PCCA: variants seen among roughly 807,000 people sequenced by gnomAD.
The protein encoded by PCCA is propionyl-CoA carboxylase alpha chain, mitochondrial.
Under a neutral mutation model 101.3 loss-of-function variants are expected in PCCA, and 74 were observed. That is an observed-to-expected ratio of 0.73 (90% CI 0.61 to 0.89). The LOEUF (loss-of-function observed/expected upper bound fraction) is 0.89, where lower values mean the gene tolerates loss of function less well. PCCA is among the 40% of genes least tolerant of loss of function. The probability of loss-of-function intolerance (pLI) is 0.00; values close to 1 mark genes in which losing one functional copy is unlikely to be tolerated. For missense variants in PCCA, 891 were observed against 907.0 expected (o/e 0.98, Z 0.23); for synonymous variants, 294 against 313.6 (o/e 0.94, Z 0.66).
intron 6 of PCCA, among the ~76,000 whole-genome samples, chr13:100,188,642 C>T (rs561397375): frequency 1.7e-3 from 266 of 152,316 alleles, no homozygotes; most frequent in Non-Finnish European, 3.2e-3. Flanking sequence ...ACACTGTTTT[C>T]CATAGTGGTT....
chr13:100,338,981 GT>G (rs2070912781), intron 17 of PCCA, among the ~76,000 whole-genome samples: 2 of 151,794 alleles, frequency 1.3e-5, no homozygotes, highest in African/African-American at 4.8e-5. Flanking sequence ...TAGGCAACTA[GT>G]TTTTTTCTTT....
intron 19 of PCCA, among the ~76,000 whole-genome samples, chr13:100,397,786 T>A (rs1309260071): frequency 6.6e-6 from 1 of 152,168 alleles, no homozygotes; most frequent in African/African-American, 2.4e-5. Flanking sequence ...ATAAAAACTG[T>A]GTTTGGCTGT....
chr13:100,375,082 G>A (rs1406911122), intron 19 of PCCA, among the ~76,000 whole-genome samples: 2 of 152,034 alleles, frequency 1.3e-5, no homozygotes, highest in East Asian at 3.9e-4. Context: ...GTTCTCATTG[G>A]TTTCAAAGAA....
In PCCA at chr13:100,145,949, T is replaced by G. The variant is rs1402841113; in HGVS notation, c.301-9030T>G. On this transcript the variant is annotated intron_variant, in intron 4 of 23. Coordinates refer to ENST00000376285, the MANE Select transcript of PCCA (RefSeq NM_000282.4). The stretch of plus-strand genomic sequence containing the variant: ...AAACAAAAGATAGTTTTGCTTTTTT[T>G]TTTTTGAGACAGAGTCTCACTCTAT... Among the ~76,000 whole-genome samples, 3 of 151,172 alleles carry G rather than the reference T, an allele frequency of 2.0e-5. No individual in the cohort carries two copies. The East Asian group carries it at 6.0e-4, about 30-fold the overall frequency.
intron 19 of PCCA, among the ~76,000 whole-genome samples, chr13:100,382,879 G>A (rs886664838): frequency 2.6e-5 from 4 of 152,064 alleles, no homozygotes; most frequent in Non-Finnish European, 4.4e-5. Flanking sequence ...ATTAATAGAG[G>A]TGTCATCAAC....
At chr13:100,197,608 T>A (rs2058197485) in intron 6 of PCCA, among the ~76,000 whole-genome samples, 1 of 152,134 alleles carries the variant, frequency 6.6e-6, no homozygotes, top group Admixed American at 6.5e-5. Flanking sequence ...CATGCCCAGC[T>A]AATTTTTGTA....
chr13:100,309,782 C>G, intron 15 of PCCA, 51 bp from the exon 16 acceptor site: 4 of 1,132,092 alleles, frequency 3.5e-6, no homozygotes, highest in Non-Finnish European at 5.2e-6. Flanking sequence ...AATCATTTAA[C>G]ATAGTTCTAA....
chr13:100,413,040 G>T (rs991397458), intron 19 of PCCA, among the ~76,000 whole-genome samples: 3 of 152,166 alleles, frequency 2.0e-5, no homozygotes, highest in East Asian at 1.9e-4. Flanking sequence ...GTCACTGGTG[G>T]CCCCAGAGGC....
At chr13:100,346,015 C>T (rs1256230007) in intron 18 of PCCA, among the ~76,000 whole-genome samples, 2 of 151,964 alleles carry the variant, frequency 1.3e-5, no homozygotes, top group African/African-American at 4.8e-5. Context: ...ATGATTGCTG[C>T]TCATTGACAG....
At chr13:100,421,284 A>C (rs796933598) in intron 19 of PCCA, among the ~76,000 whole-genome samples, 2 of 152,272 alleles carry the variant, frequency 1.3e-5, no homozygotes, top group African/African-American at 2.4e-5. Flanking sequence ...GGGGAAAAAC[A>C]AGCCTCCCTT....
At chr13:100,168,093 T>C (rs2055241256) in intron 6 of PCCA, among the ~76,000 whole-genome samples, 1 of 152,168 alleles carries the variant, frequency 6.6e-6, no homozygotes, top group Non-Finnish European at 1.5e-5. Flanking sequence ...GTTGAACACA[T>C]ATGCCACCTT....
At chr13:100,421,379 A>AT (rs1287134189) in intron 19 of PCCA, among the ~76,000 whole-genome samples, 1 of 151,974 alleles carries the variant, frequency 6.6e-6, no homozygotes, top group Non-Finnish European at 1.5e-5. Context: ...ATGTATAGTT[A>AT]TTTTTTTCTT....
intron 22 of PCCA, among the ~76,000 whole-genome samples, chr13:100,517,399 T>C (rs1303275340): frequency 2.0e-5 from 3 of 152,242 alleles, no homozygotes; most frequent in Non-Finnish European, 4.4e-5. Context: ...TAATTGAATG[T>C]AGAAAAGCAA....
intron 18 of PCCA, among the ~76,000 whole-genome samples, chr13:100,345,640 G>A (rs978228260): frequency 1.3e-5 from 2 of 152,216 alleles, no homozygotes; most frequent in African/African-American, 4.8e-5. Flanking sequence ...ATCGATGAAG[G>A]TGGCTACACT....
At chr13:100,297,973 A>ATT (rs200402738) in intron 12 of PCCA, among the ~76,000 whole-genome samples, 10 of 138,248 alleles carry the variant, frequency 7.2e-5, no homozygotes, top group East Asian at 4.2e-4. Flanking sequence ...GTGAGTGTGA[A>ATT]TTTTTTTTTT....
intron 19 of PCCA, among the ~76,000 whole-genome samples, chr13:100,371,353 A>G (rs1289634358): frequency 6.6e-6 from 1 of 152,268 alleles, no homozygotes; most frequent in African/African-American, 2.4e-5. Flanking sequence ...ATATTTGACC[A>G]AGGAGGCGAA....
chr13:100,260,277 C>G (rs2062397375), intron 9 of PCCA, among the ~76,000 whole-genome samples: 1 of 152,022 alleles, frequency 6.6e-6, no homozygotes, highest in Non-Finnish European at 1.5e-5. Flanking sequence ...AAACCTAATA[C>G]CTTTTCTCTG....
intron 7 of PCCA, among the ~76,000 whole-genome samples, chr13:100,224,437 A>C (rs1001281492): frequency 5.3e-5 from 8 of 152,122 alleles, no homozygotes; most frequent in Non-Finnish European, 1.0e-4. Flanking sequence ...CTCTCCCTCC[A>C]CACCTCCGTG....
rs1357195453 is a variant in PCCA, at chr13:100,425,845, T to G, written c.1845+114T>G. 46 of 737,468 alleles carry G rather than the reference T, an allele frequency of 6.2e-5. 1 individual carries two copies. In the East Asian group the frequency reaches 1.2e-3, roughly 19 times the overall value. 45.7% of individuals were successfully genotyped at this position (737,468 alleles called of 1,614,324 possible). ...GGGAAAAGCTGTATTTTATTCACCT[T>G]ATACTTTTTACAGTCGAAAACTTTT... On this transcript the variant is annotated intron_variant, in intron 20 of 23. Transcript: ENST00000376285.
Sources: gnomAD v4.1 joint callset for allele counts (sites outside exome capture counted in the v4.1 genomes callset) on GRCh38, gnomAD v4.1.1 for gene constraint, MANE v1.5 for transcripts, NCBI Gene and HGNC (gene_info 2026-07-23, HGNC 2026-07-21) for gene names.